Variants in PRKN observed in about 807,000 individuals in gnomAD.
The protein encoded by PRKN is parkin RBR E3 ubiquitin protein ligase, also known as E3 ubiquitin-protein ligase parkin.
PRKN carries 56 observed loss-of-function variants against 59.5 expected under a neutral mutation model. That is an observed-to-expected ratio of 0.94 (90% confidence interval 0.76 to 1.18). The LOEUF (loss-of-function observed/expected upper bound fraction) is 1.18, where lower values mean the gene tolerates loss of function less well. Ranked by LOEUF, PRKN falls within the 50% of genes most tolerant of loss-of-function variation. The probability of loss-of-function intolerance (pLI) is 0.00; values close to 1 mark genes in which losing one functional copy is unlikely to be tolerated. For synonymous variants in PRKN, 250 were observed against 222.1 expected (o/e 1.13, Z -1.12); for missense variants, 657 against 596.4 (o/e 1.10, Z -1.06).
rs929787630 is a variant in PRKN, at chr6:161,456,320, A to T, written c.1084-69443T>A. ...CTTCCGGCTTTCAAATTTCTCTCGC[A>T]TTGAAAGCTTCCTGCCCTGGAACAT... is the stretch of plus-strand genomic sequence containing the variant. On this transcript the variant is annotated intron_variant, in intron 9 of 11. Coordinates refer to ENST00000366898, the MANE Select transcript of PRKN (RefSeq NM_004562.3). This position sits in a 1 kb window ranked among gnomAD's most constrained non-coding sequence, Gnocchi z 4.8. 1.3e-5 allele frequency among the ~76,000 whole-genome samples: 2 copies of T among 152,166 alleles called. No homozygotes were observed. Among genetic ancestry groups the T allele is most frequent in the Non-Finnish European group, 2.9e-5 (2 of 68,034 alleles).
rs140259757 is a variant in PRKN, at chr6:161,359,974, C to G, written c.1285+114G>C. The G allele has an allele frequency of 2.4e-6, 2 of 816,680 alleles. No homozygotes were observed. The highest frequency in any genetic ancestry group is 4.8e-5 in the East Asian group (2 of 41,272). The allele number at this position is 816,680 out of a possible 1,614,324, so 50.6% of individuals were successfully genotyped here. A position where few individuals can be genotyped will look rare whatever the true frequency, so the allele number is the denominator to read the frequency against. On this transcript the variant is annotated intron_variant, in intron 11 of 11. Coordinates refer to ENST00000366898, the MANE Select transcript of PRKN (RefSeq NM_004562.3). This position sits in a 1 kb window ranked among gnomAD's most constrained non-coding sequence, Gnocchi z 5.4. ...GGGTAACATTAATCGAGGGGTTACC[C>G]AACACACCAGGCACCTTCAGACAGC... is the stretch of plus-strand genomic sequence containing the variant.
chr6:161,997,029 G>A (rs538422374), intron 5 of PRKN, among the ~76,000 whole-genome samples: 2 of 152,090 alleles, frequency 1.3e-5, no homozygotes, highest in African/African-American at 2.4e-5. Flanking sequence ...ACACATAAAA[G>A]AGCAAGCTTC....
At chr6:161,874,132 ATT>A (rs1413732131) in intron 6 of PRKN, among the ~76,000 whole-genome samples, 2 of 76,886 alleles carry the variant, frequency 2.6e-5, no homozygotes, top group African/African-American at 1.2e-4. Flanking sequence ...TATAATATAT[ATT>A]ATATGTAAAA....
Position 161,533,020 on chromosome 6 carries a change from T to C in PRKN, c.1083+15834A>G, listed in dbSNP as rs1012826173. 1.3e-5 allele frequency among the ~76,000 whole-genome samples: 2 copies of C among 152,124 alleles called. No individual in the cohort carries two copies. Among genetic ancestry groups the C allele is most frequent in the African/African-American group, 4.8e-5 (2 of 41,424 alleles). ...AATATTAAACTCATATTTTTAGATT[T>C]AAAAAAGGCAGCAAATTATGCAGCA... is the stretch of plus-strand genomic sequence containing the variant. On this transcript the variant is annotated intron_variant, in intron 9 of 11. Coordinates refer to ENST00000366898, the MANE Select transcript of PRKN (RefSeq NM_004562.3). This position sits in a 1 kb window ranked among gnomAD's most constrained non-coding sequence, Gnocchi z 4.1.
At position 162,704,955 on chromosome 6, in the gene PRKN, T is replaced by A. The variant is rs546506605; in HGVS notation, c.7+22707A>T. ...TTTACCAAGTGTGTAGAGATTTATA[T>A]TTTAAAAATATAAGAAGTGTAGCTT... On this transcript the variant is annotated intron_variant, in intron 1 of 11. Coordinates refer to ENST00000366898, the MANE Select transcript of PRKN (RefSeq NM_004562.3). 6.6e-5 allele frequency among the ~76,000 whole-genome samples: 10 copies of A among 152,344 alleles called. No individual in the cohort carries two copies. The East Asian group carries it at 1.9e-3, about 29-fold the overall frequency.
chr6:161,632,170 T>C (rs1437395264), intron 7 of PRKN, among the ~76,000 whole-genome samples: 1 of 152,188 alleles, frequency 6.6e-6, no homozygotes, highest in Non-Finnish European at 1.5e-5. Context: ...AGGTCTTATT[T>C]ATTTTTTTCA....
intron 6 of PRKN, among the ~76,000 whole-genome samples, chr6:161,902,549 T>TC (rs55730017): frequency 0.39 from 35,890 of 92,678 alleles, 5,824 homozygotes; most frequent in Middle Eastern, 0.43. Context: ...TATCTATCTA[T>TC]TTATTTATTT....
chr6:161,743,213 CTTTTTTTTTT>C (rs768890758), intron 7 of PRKN, among the ~76,000 whole-genome samples: 1 of 84,574 alleles, frequency 1.2e-5, no homozygotes, highest in East Asian at 4.5e-4. Flanking sequence ...TGGTTTCTAC[CTTTTTTTTTT>C]TTTTTTTTTT....
At chr6:162,727,055 CTATT>C (rs1157567309) in intron 1 of PRKN, 1 of 151,974 alleles carries the variant, frequency 6.6e-6, no homozygotes, top group Non-Finnish European at 1.5e-5. Flanking sequence ...ATCTTGGCTA[CTATT>C]TACTCTTAAT....
intron 4 of PRKN, among the ~76,000 whole-genome samples, chr6:162,161,211 T>C (rs564516503): frequency 2.0e-5 from 3 of 152,290 alleles, no homozygotes; most frequent in African/African-American, 7.2e-5. Context: ...CACGTGAGCA[T>C]TCTAGGGATG....
At chr6:162,112,321 T>C (rs1261453692) in intron 4 of PRKN, among the ~76,000 whole-genome samples, 1 of 152,212 alleles carries the variant, frequency 6.6e-6, no homozygotes, top group African/African-American at 2.4e-5. Flanking sequence ...GCTATGAAAC[T>C]GATAATAATT....
chr6:162,418,866 G>T (rs1054816558), intron 2 of PRKN, among the ~76,000 whole-genome samples: 1 of 151,830 alleles, frequency 6.6e-6, no homozygotes, highest in African/African-American at 2.4e-5. Flanking sequence ...CAGGAGGAGG[G>T]GAGGGAGAAG....
chr6:162,581,540 C>T lies in PRKN; in HGVS notation c.8-138067G>A, dbSNP rs185238690. 4.8e-3 allele frequency among the ~76,000 whole-genome samples: 729 copies of T among 152,360 alleles called. 3 individuals are homozygous for T. The highest frequency in any genetic ancestry group is 0.01 in the Middle Eastern group (3 of 294). ...CTTTGGGAGGGAAAGGCGGGCGGAT[C>T]ACCTGAGGTCAGGAGTTCGGGACCA... On this transcript the variant is annotated intron_variant, in intron 1 of 11. Coordinates refer to ENST00000366898, the MANE Select transcript of PRKN (RefSeq NM_004562.3).
chr6:162,329,603 C>T (rs1205973206), intron 2 of PRKN, among the ~76,000 whole-genome samples: 1 of 151,794 alleles, frequency 6.6e-6, no homozygotes, highest in Non-Finnish European at 1.5e-5. Context: ...ATGTACTGTT[C>T]CTTTGTTTAT....
At position 162,540,368 on chromosome 6, in the gene PRKN, C is replaced by T. The variant is rs937282532; in HGVS notation, c.8-96895G>A. Among the ~76,000 whole-genome samples, 15 of 152,098 alleles carry T rather than the reference C, an allele frequency of 9.9e-5. No homozygotes were observed. The South Asian group carries it at 1.7e-3, about 17-fold the overall frequency. On this transcript the variant is annotated intron_variant, in intron 1 of 11. Transcript: ENST00000366898. ...CCTCAGCCTCCTAAGCCACCATGCC[C>T]GGCCATGAATTTAAATAAATTCAAA...
At chr6:162,565,193 T>C (rs1780006571) in intron 1 of PRKN, among the ~76,000 whole-genome samples, 3 of 152,220 alleles carry the variant, frequency 2.0e-5, no homozygotes, top group East Asian at 1.9e-4. Context: ...TAAGTTGTTA[T>C]GAGGTTAAAA....
chr6:162,211,657 T>C (rs1785201942), intron 3 of PRKN, among the ~76,000 whole-genome samples: 1 of 152,196 alleles, frequency 6.6e-6, no homozygotes, highest in African/African-American at 2.4e-5. Flanking sequence ...TCATCTTCAA[T>C]AGCCAATATA....
intron 2 of PRKN, among the ~76,000 whole-genome samples, chr6:162,289,239 C>A (rs1013851568): frequency 2.6e-5 from 4 of 152,138 alleles, no homozygotes; most frequent in Non-Finnish European, 5.9e-5. Flanking sequence ...TGTGCCTGCA[C>A]ATCGTCCTGC....
chr6:161,494,114 T>A (rs537810277), intron 9 of PRKN, among the ~76,000 whole-genome samples: 1 of 152,344 alleles, frequency 6.6e-6, no homozygotes, highest in Admixed American at 6.5e-5. Flanking sequence ...ATACTTAGTT[T>A]TATACCATAT....
Sources: gnomAD v4.1 joint callset for allele counts (sites outside exome capture counted in the v4.1 genomes callset) on GRCh38, gnomAD v4.1.1 for gene constraint, Gnocchi (gnomAD v3.1) non-coding constraint, MANE v1.5 for transcripts, NCBI Gene and HGNC (gene_info 2026-07-23, HGNC 2026-07-21) for gene names.